The following CHID1 variants were observed in gnomAD, a reference collection of about 807,000 sequenced individuals.
CHID1 encodes the protein chitinase domain containing 1.
CHID1 carries 44 observed loss-of-function variants against 55.4 expected under a neutral mutation model. The ratio of observed to expected loss-of-function variants is 0.79; its 90% CI spans 0.62 to 1.02. CHID1 has a LOEUF of 1.02. Among genes scored for constraint, CHID1 ranks in the 50% least tolerant of loss-of-function variants. The probability of loss-of-function intolerance (pLI) is 0.00; values close to 1 mark genes in which losing one functional copy is unlikely to be tolerated. For missense variants in CHID1, 491 were observed against 515.3 expected (o/e 0.95, Z 0.46); for synonymous variants, 216 against 212.9 (o/e 1.01, Z -0.13).
rs1848974587 is a variant in CHID1 at position 868,212 on chromosome 11, A to ATGT, written c.*1643_*1645dup. 1 of 151,988 alleles carries ATGT rather than the reference A, an allele frequency of 6.6e-6. No homozygotes were observed. Among genetic ancestry groups the ATGT allele is most frequent in the Non-Finnish European group, 1.5e-5 (1 of 68,002 alleles). 9.4% of individuals were successfully genotyped at this position (151,988 alleles called of 1,614,324 possible). The stretch of plus-strand genomic sequence containing the variant: ...CACAGGACCCCCGAGAACAACTTGA[A>ATGT]TGTTAGCGTCAGCACCTCTGGGGAG... On this transcript the variant is annotated 3_prime_UTR_variant, in exon 13 of 13. Coordinates refer to ENST00000323578, the MANE Select transcript of CHID1 (RefSeq NM_023947.4).
At position 902,210 on chromosome 11, in the gene CHID1, C is replaced by T. The variant is rs757164828; in HGVS notation, c.382G>A (p.Asp128Asn). The change falls in exon 4 of 13, where the codon GAC (aspartate) becomes AAC (asparagine). Residue 128 changes from aspartate to asparagine, a missense_variant. By Grantham distance (23) the Asp-to-Asn change is conservative. Transcript: ENST00000323578. ...GAAGGATGAGAACCTTGGTCCACGT[C>T]GTGGAGGCCCGTGACCTCAAACATC... ...REMFEVTGLH[D>N]VDQGWMRAVR... The T allele has an allele frequency of 1.2e-5, 20 of 1,613,820 alleles. No homozygotes were observed. The East Asian group carries it at 1.3e-4, about 11-fold the overall frequency.
At chr11:883,479 G>T (rs7125550) in intron 9 of CHID1, among the ~76,000 whole-genome samples, 176 bp from the exon 10 acceptor site, 5 of 152,036 alleles carry the variant, frequency 3.3e-5, no homozygotes, top group African/African-American at 4.8e-5. Context: ...GGGCCCATGA[G>T]GGACGTCACG....
upstream of CHID1, chr11:911,071 G>C (rs1852656110): frequency 6.6e-6 from 1 of 152,472 alleles, no homozygotes; most frequent in Non-Finnish European, 1.5e-5. Flanking sequence ...GGGGTAGCCG[G>C]GTTCCCAGCG....
At chr11:899,088 T>C (rs899872122) in intron 7 of CHID1, among the ~76,000 whole-genome samples, 1 of 152,260 alleles carries the variant, frequency 6.6e-6, no homozygotes, top group Non-Finnish European at 1.5e-5. Context: ...GCATCAGGCC[T>C]GGCGCAGCAA....
intron 4 of CHID1, 38 bp from the exon 5 acceptor site, chr11:901,018 G>T: frequency 6.4e-7 from 1 of 1,562,460 alleles, no homozygotes; most frequent in Middle Eastern, 1.7e-4. Flanking sequence ...ACAGGCACGT[G>T]CGCCCAACTG....
intron 7 of CHID1, among the ~76,000 whole-genome samples, chr11:897,485 T>C (rs547405950): frequency 6.6e-6 from 1 of 152,234 alleles, no homozygotes; most frequent in East Asian, 1.9e-4. Flanking sequence ...TAATGGAAGG[T>C]CAGCCCCGGC....
chr11:887,321 C>A (rs564189550), intron 8 of CHID1, among the ~76,000 whole-genome samples: 2 of 152,240 alleles, frequency 1.3e-5, no homozygotes, highest in African/African-American at 4.8e-5. Context: ...TACCTCCACA[C>A]GCAGCCCGTC....
At chr11:887,036 C>T (rs1203826642) in intron 8 of CHID1, among the ~76,000 whole-genome samples, 2 of 152,180 alleles carry the variant, frequency 1.3e-5, no homozygotes, top group African/African-American at 2.4e-5. Flanking sequence ...TCTTTCTTTT[C>T]TTCTCTTCTG....
At chr11:874,142 T>C (rs1303079379) in intron 10 of CHID1, among the ~76,000 whole-genome samples, 3 of 152,124 alleles carry the variant, frequency 2.0e-5, no homozygotes, top group Non-Finnish European at 4.4e-5. Context: ...CCTGGGGACT[T>C]TGCCAAGGTC....
At chr11:913,022 G>A (rs1366080420), upstream of CHID1, among the ~76,000 whole-genome samples, 1 of 152,058 alleles carries the variant, frequency 6.6e-6, no homozygotes, top group African/African-American at 2.4e-5. Flanking sequence ...GAACATCTAA[G>A]ATAACTTGCA....
chr11:884,542 C>G (rs957868738), intron 8 of CHID1, among the ~76,000 whole-genome samples: 1 of 152,300 alleles, frequency 6.6e-6, no homozygotes, highest in Non-Finnish European at 1.5e-5. Flanking sequence ...CTGATCCAGG[C>G]TCCCAGGAGC....
At chr11:910,628 C>T in intron 1 of CHID1, 147 bp downstream of exon 1, 12 of 1,264,316 alleles carry the variant, frequency 9.5e-6, no homozygotes, top group Non-Finnish European at 1.2e-5. Flanking sequence ...CACACTTGCT[C>T]TCTCTCACGC....
Position 875,643 on chromosome 11 carries a change from G to A in CHID1, c.960-5144C>T, listed in dbSNP as rs1287319085. ...CGCCACATGAGGCCGAGGGAGTCAAGTCCTGGGGTGGCCATGAGGGGCTCG... is the reference window on the plus strand; with the variant it reads ...CGCCACATGAGGCCGAGGGAGTCAAATCCTGGGGTGGCCATGAGGGGCTCG... On this transcript the variant is annotated intron_variant, in intron 10 of 12. Transcript: ENST00000323578. The surrounding 1 kb of genome is among the most constrained non-coding windows in gnomAD (Gnocchi z 4.7). Among the ~76,000 whole-genome samples the A allele has an allele frequency of 6.6e-6, 1 of 152,192 alleles. No homozygotes were observed. Among genetic ancestry groups the A allele is most frequent in the Non-Finnish European group, 1.5e-5 (1 of 68,034 alleles).
chr11:894,912 T>G (rs1851149600), intron 7 of CHID1, among the ~76,000 whole-genome samples: 1 of 152,146 alleles, frequency 6.6e-6, no homozygotes. Flanking sequence ...CCCCGTCAAT[T>G]CCTGGGTAAC....
chr11:878,764 C>A (rs529716776), intron 10 of CHID1, among the ~76,000 whole-genome samples: 1 of 151,164 alleles, frequency 6.6e-6, no homozygotes, highest in Non-Finnish European at 1.5e-5. Flanking sequence ...TGCAATGGCG[C>A]GATCTCCACT....
chr11:872,615 C>T (rs1054849416), intron 10 of CHID1, among the ~76,000 whole-genome samples: 22 of 152,204 alleles, frequency 1.4e-4, no homozygotes, highest in Admixed American at 3.3e-4. Flanking sequence ...CCAGACCAGG[C>T]AACGTCATGG....
intron 10 of CHID1, among the ~76,000 whole-genome samples, chr11:882,805 G>A (rs571958863): frequency 3.9e-5 from 6 of 152,192 alleles, no homozygotes; most frequent in Non-Finnish European, 5.9e-5. Context: ...AATTACTCCC[G>A]GGCAGAGGAG....
Position 869,633 on chromosome 11 carries a change from C to T in CHID1, c.*225G>A. On this transcript the variant is annotated 3_prime_UTR_variant, in exon 13 of 13. Transcript: ENST00000323578. ...CTGACAGGAGGCAGCCAGCGGATGC[C>T]CGGGTGGGAGGGGCTCGAGCTCTCA... 3.4e-6 allele frequency: 2 copies of T among 586,982 alleles called. No individual in the cohort carries two copies. The highest frequency in any genetic ancestry group is 6.1e-6 in the Non-Finnish European group (2 of 329,650). The allele number at this position is 586,982 out of a possible 1,614,324, so 36.4% of individuals were successfully genotyped here.
chr11:877,910 G>A (rs960697272), intron 10 of CHID1, among the ~76,000 whole-genome samples: 8 of 152,320 alleles, frequency 5.3e-5, no homozygotes, highest in South Asian at 4.1e-4. Context: ...CCTGGTGAAC[G>A]GATTAATCCA....
Sources: gnomAD v4.1 joint callset for allele counts (sites outside exome capture counted in the v4.1 genomes callset) on GRCh38, gnomAD v4.1.1 for gene constraint, Gnocchi (gnomAD v3.1) non-coding constraint, MANE v1.5 for transcripts, NCBI Gene and HGNC (gene_info 2026-07-23, HGNC 2026-07-21) for gene names.